LARGE1: variants seen among roughly 807,000 people sequenced by gnomAD.
The protein encoded by LARGE1 is LARGE xylosyl- and glucuronyltransferase 1, also known as xylosyl- and glucuronyltransferase LARGE1.
LARGE1 carries 43 observed loss-of-function variants against 87.6 expected under a neutral mutation model. The observed-to-expected ratio is 0.49, with a 90% CI of 0.38 to 0.63. LARGE1 has a LOEUF of 0.63. Ranked by LOEUF, LARGE1 falls within the 30% of genes least tolerant of loss-of-function variation. The probability of loss-of-function intolerance (pLI) is 0.00; values close to 1 mark genes in which losing one functional copy is unlikely to be tolerated. For synonymous variants in LARGE1, 434 were observed against 394.6 expected (o/e 1.10, Z -1.18); for missense variants, 802 against 1,000.2 (o/e 0.80, Z 2.67).
intron 5 of LARGE1, among the ~76,000 whole-genome samples, chr22:33,566,809 G>A (rs2078041767): frequency 6.6e-6 from 1 of 152,152 alleles, no homozygotes; most frequent in African/African-American, 2.4e-5. Flanking sequence ...CCTTTAGCTA[G>A]ACACAGAGCA....
intron 7 of LARGE1, among the ~76,000 whole-genome samples, chr22:33,404,623 C>T (rs1601723100): frequency 6.6e-6 from 1 of 152,130 alleles, no homozygotes; most frequent in African/African-American, 2.4e-5. Context: ...ATTGGATTAG[C>T]GAGGTGTGCA....
chr22:33,357,221 A>G (rs1192104785), intron 9 of LARGE1, among the ~76,000 whole-genome samples: 1 of 152,172 alleles, frequency 6.6e-6, no homozygotes, highest in African/African-American at 2.4e-5. Context: ...ATAGGACTGG[A>G]GGCCTTATTT....
intron 2 of LARGE1, among the ~76,000 whole-genome samples, chr22:33,653,690 C>A (rs1358849016): frequency 1.3e-5 from 2 of 152,122 alleles, no homozygotes; most frequent in Non-Finnish European, 2.9e-5. Flanking sequence ...GTTCCTGTGA[C>A]CCTTTCTCAG....
chr22:33,349,473 C>G (rs1940149133), intron 9 of LARGE1, among the ~76,000 whole-genome samples: 2 of 152,316 alleles, frequency 1.3e-5, no homozygotes, highest in East Asian at 3.9e-4. Flanking sequence ...TCAGCACTAG[C>G]TAAAGTGACA....
At chr22:33,658,006 G>A (rs1459284006) in intron 2 of LARGE1, among the ~76,000 whole-genome samples, 1 of 152,070 alleles carries the variant, frequency 6.6e-6, no homozygotes, top group Non-Finnish European at 1.5e-5. Context: ...AATGGCAGAG[G>A]GAGAGTCTTG....
At chr22:33,772,968 C>G (rs1008371851) in intron 1 of LARGE1, among the ~76,000 whole-genome samples, 1 of 152,234 alleles carries the variant, frequency 6.6e-6, no homozygotes, top group African/African-American at 2.4e-5. Context: ...AGCTGTCTGA[C>G]TGTACAACAT....
intron 6 of LARGE1, among the ~76,000 whole-genome samples, chr22:33,521,746 A>G (rs1354826330): frequency 6.6e-6 from 1 of 152,238 alleles, no homozygotes; most frequent in East Asian, 1.9e-4. Flanking sequence ...AGTACTAGCA[A>G]TGTCTGCAAG....
intron 7 of LARGE1, among the ~76,000 whole-genome samples, chr22:33,428,759 A>T (rs796755053): frequency 4.6e-4 from 10 of 21,748 alleles, no homozygotes; most frequent in African/African-American, 2.9e-3. Flanking sequence ...CGTCACTACT[A>T]AAAAAAAAAA....
chr22:33,644,021 C>T (rs560243741), intron 3 of LARGE1, among the ~76,000 whole-genome samples: 4 of 152,040 alleles, frequency 2.6e-5, no homozygotes, highest in African/African-American at 9.6e-5. Context: ...GAAACTATTC[C>T]AAAAATAAAA....
intron 10 of LARGE1, among the ~76,000 whole-genome samples, chr22:33,329,057 T>G (rs1937483287): frequency 1.3e-5 from 2 of 152,188 alleles, no homozygotes; most frequent in Non-Finnish European, 2.9e-5. Context: ...CACAAAGAGC[T>G]GTGCTCATGC....
intron 12 of LARGE1, among the ~76,000 whole-genome samples, chr22:33,291,938 C>CA (rs1932664789): frequency 6.6e-6 from 1 of 152,002 alleles, no homozygotes; most frequent in African/African-American, 2.4e-5. Context: ...ATTAAAAATA[C>CA]AAAAAATTAG....
rs534733671 is a variant in LARGE1 at position 33,292,035 on chromosome 22, A to C, written c.1731-8687T>G. Among the ~76,000 whole-genome samples the C allele has an allele frequency of 2.0e-5, 3 of 152,262 alleles. No homozygotes were observed. In the East Asian group the frequency reaches 5.8e-4, roughly 29 times the overall value. ...CTTGAACCAGGGAGGCGGAGGTTGCAATGAGCCGAGATCGTGCCACTGTAC... is the reference window on the plus strand; with the variant it reads ...CTTGAACCAGGGAGGCGGAGGTTGCCATGAGCCGAGATCGTGCCACTGTAC... On this transcript the variant is annotated intron_variant, in intron 12 of 14. Transcript: ENST00000397394.
At chr22:33,768,684 C>T (rs543909992) in intron 1 of LARGE1, among the ~76,000 whole-genome samples, 3 of 152,160 alleles carry the variant, frequency 2.0e-5, no homozygotes, top group South Asian at 2.1e-4. Flanking sequence ...TCTCTTCATT[C>T]GACTAAAACC....
At chr22:33,856,082 T>C (rs2063747407) in intron 1 of LARGE1, among the ~76,000 whole-genome samples, 1 of 152,118 alleles carries the variant, frequency 6.6e-6, no homozygotes, top group Non-Finnish European at 1.5e-5. Context: ...GTACAACAAA[T>C]GGCCTCTGAT....
intron 5 of LARGE1, among the ~76,000 whole-genome samples, chr22:33,584,344 TCCC>T (rs1349117656): frequency 2.0e-5 from 3 of 151,904 alleles, no homozygotes; most frequent in Non-Finnish European, 4.4e-5. Context: ...ACACCACACT[TCCC>T]CCCGACTCCT....
At position 33,640,550 on chromosome 22, in the gene LARGE1, T is replaced by C. The variant is rs535101131; in HGVS notation, c.408+9817A>G. On this transcript the variant is annotated intron_variant, in intron 3 of 14. Transcript: ENST00000397394. ...GCTAGCTGCAGGAGTTTTTTTTTCATACACCAGTAGCAGCTGGAATCCCAG... is the reference window on the plus strand; with the variant it reads ...GCTAGCTGCAGGAGTTTTTTTTTCACACACCAGTAGCAGCTGGAATCCCAG... Among the ~76,000 whole-genome samples, 274 of 152,058 alleles carry C rather than the reference T, an allele frequency of 1.8e-3. 1 individual carries two copies. Among genetic ancestry groups the C allele is most frequent in the Non-Finnish European group, 3.1e-3 (214 of 67,968 alleles).
intron 2 of LARGE1, among the ~76,000 whole-genome samples, chr22:33,734,623 T>C (rs2083592082): frequency 6.6e-6 from 1 of 152,152 alleles, no homozygotes; most frequent in Admixed American, 6.5e-5. Context: ...TCCTGGGAAA[T>C]TGCATGGAAG....
At chr22:33,482,544 G>T (rs191308667) in intron 6 of LARGE1, among the ~76,000 whole-genome samples, 73 of 152,170 alleles carry the variant, frequency 4.8e-4, no homozygotes, top group Non-Finnish European at 1.0e-3. Context: ...GGGGCCTGTC[G>T]GGAGGTTGGG....
Position 33,614,535 on chromosome 22 carries a change from A to G in LARGE1, c.492-9977T>C, listed in dbSNP as rs532261460. 7.2e-5 allele frequency among the ~76,000 whole-genome samples: 11 copies of G among 152,050 alleles called. No homozygotes were observed. The South Asian group carries it at 1.3e-3, about 17-fold the overall frequency. ...ACCCTATCTGTCCCTCAAAGCTCAT[A>G]TCTTCACACCCCTTCCTTAAACCCT... On this transcript the variant is annotated intron_variant, in intron 4 of 14. Transcript: ENST00000397394.
Sources: gnomAD v4.1 joint callset for allele counts (sites outside exome capture counted in the v4.1 genomes callset) on GRCh38, gnomAD v4.1.1 for gene constraint, MANE v1.5 for transcripts, NCBI Gene and HGNC (gene_info 2026-07-23, HGNC 2026-07-21) for gene names.